Variants in GNG13 observed in about 807,000 individuals in gnomAD.
GNG13 encodes G protein subunit gamma 13, also known as guanine nucleotide-binding protein G(I)/G(S)/G(O) subunit gamma-13.
Under a neutral mutation model 8.2 loss-of-function variants are expected in GNG13, and 12 were observed. That is an observed-to-expected ratio of 1.47 (90% CI 0.94 to 2.38). The LOEUF (loss-of-function observed/expected upper bound fraction) is 2.38. Among genes scored for constraint, GNG13 ranks in the 30% most tolerant of loss-of-function variants. GNG13 has a pLI of 0.00. For missense variants in GNG13, 100 were observed against 85.2 expected, an observed-to-expected ratio of 1.17 and a Z score of -0.68; for synonymous variants, 45 against 33.0, an observed-to-expected ratio of 1.37 and a Z score of -1.25.
chr16:800,284 C>T (rs1030400080), intron 1 of GNG13, among the ~76,000 whole-genome samples: 2 of 152,192 alleles, frequency 1.3e-5, no homozygotes, highest in East Asian at 1.9e-4. Context: ...GCCCCGTGGG[C>T]GCAGGACTAG....
chr16:799,346 C>T (rs905982917), intron 1 of GNG13, among the ~76,000 whole-genome samples: 1 of 152,200 alleles, frequency 6.6e-6, no homozygotes, highest in Non-Finnish European at 1.5e-5. Context: ...ACTTTACATC[C>T]TCAGCTACTC....
intron 1 of GNG13, among the ~76,000 whole-genome samples, chr16:800,431 C>T (rs952287827): frequency 2.0e-5 from 3 of 152,320 alleles, no homozygotes; most frequent in South Asian, 2.1e-4. Context: ...CCCCCAGCCA[C>T]GGGACTCGGT....
intron 1 of GNG13, among the ~76,000 whole-genome samples, chr16:799,436 A>G (rs567748788): frequency 3.3e-5 from 5 of 152,238 alleles, no homozygotes; most frequent in Middle Eastern, 3.4e-3. Context: ...CCCAGCTCCT[A>G]CCCTCCCACT....
rs541877541 is a variant in GNG13, at chr16:798,142, T to G, written c.*577A>C. The G allele has an allele frequency of 1.2e-6, 1 of 867,402 alleles. No individual in the cohort carries two copies. Among genetic ancestry groups the G allele is most frequent in the Non-Finnish European group, 1.7e-6 (1 of 583,204 alleles). The allele number at this position is 867,402 out of a possible 1,614,324, so 53.7% of individuals were successfully genotyped here. ...GGCCGGGCGTGGGCTCATAGGATGG[T>G]GTGAGTGGGGCCAGGAGTGGGGCTC... On this transcript the variant is annotated 3_prime_UTR_variant, in exon 3 of 3. Transcript: ENST00000248150.
chr16:798,761 C>T lies in GNG13; in HGVS notation c.162G>A (p.Lys54=), dbSNP rs199907542. ...KDPFLNPDLM[K]NNPWVEKGKC... Reference sequence around the variant, plus strand: ...TGCCCTTTTCCACCCATGGGTTGTTCTTCATCAGGTCGGGGTTCAGGAAGG... The same window carrying T: ...TGCCCTTTTCCACCCATGGGTTGTTTTTCATCAGGTCGGGGTTCAGGAAGG... The change falls in exon 3 of 3, where the codon AAG becomes AAA. Residue 54 remains lysine (K), a synonymous_variant. Transcript: ENST00000248150. The T allele has an allele frequency of 2.5e-5, 40 of 1,613,240 alleles. No individual in the cohort carries two copies. Among genetic ancestry groups the T allele is most frequent in the Admixed American group, 1.2e-4 (7 of 60,008 alleles).
chr16:799,541 C>A (rs2042429539), intron 1 of GNG13, among the ~76,000 whole-genome samples: 1 of 152,180 alleles, frequency 6.6e-6, no homozygotes, highest in African/African-American at 2.4e-5. Context: ...TGCCCCTTTG[C>A]TTTGCATGGC....
rs748839632 is a variant in GNG13 at position 800,334 on chromosome 16, C to T, written c.-35+332G>A. Among the ~76,000 whole-genome samples the T allele has an allele frequency of 7.2e-5, 11 of 152,316 alleles. No homozygotes were observed. In the South Asian group the frequency reaches 1.2e-3, roughly 17 times the overall value. On this transcript the variant is annotated intron_variant, in intron 1 of 2. Coordinates refer to ENST00000248150, the MANE Select transcript of GNG13 (RefSeq NM_016541.3). ...TCCCAGGCCCGGGGTGTTGGCGCCC[C>T]GCCCACAGCCCAGTCCTTGCTGCCC...
At chr16:798,893 G>T (rs1471349924) in intron 2 of GNG13, 69 bp from the exon 3 acceptor site, 6 of 1,348,896 alleles carry the variant, frequency 4.4e-6, no homozygotes, top group East Asian at 2.3e-5. Flanking sequence ...GCACCTGCCT[G>T]TCGGCGGCGG....
intron 1 of GNG13, 51 bp from the exon 2 acceptor site, chr16:799,162 C>G (rs957701193): frequency 1.3e-6 from 1 of 774,930 alleles, no homozygotes; most frequent in African/African-American, 1.7e-5. Flanking sequence ...GCCTGTAGTC[C>G]CCACCCCCGC....
rs747193873 is a variant in GNG13 at position 798,732 on chromosome 16, C to T, written c.191G>A (p.Cys64Tyr). 11 of 1,605,244 alleles carry T rather than the reference C, an allele frequency of 6.9e-6. No homozygotes were observed. Among genetic ancestry groups the T allele is most frequent in the Admixed American group, 1.7e-5 (1 of 59,978 alleles). ...CGGGTGCGGGGCTCACAGGATGGTG[C>T]ATTTGCCCTTTTCCACCCATGGGTT... ...KNNPWVEKGK[C>Y]TIL The change falls in exon 3 of 3, where the codon TGC (cysteine) becomes TAC (tyrosine). Residue 64 changes from cysteine (C) to tyrosine (Y), a missense_variant. Coordinates refer to ENST00000248150, the MANE Select transcript of GNG13 (RefSeq NM_016541.3).
chr16:798,948 T>C, intron 2 of GNG13, 32 bp downstream of exon 2: 1 of 1,438,002 alleles, frequency 7.0e-7, no homozygotes, highest in Non-Finnish European at 9.8e-7. Context: ...GGCAGACAAA[T>C]GAGAGGCAAA....
At position 798,444 on chromosome 16, in the gene GNG13, C is replaced by T. The variant is rs1220750177; in HGVS notation, c.*275G>A. On this transcript the variant is annotated 3_prime_UTR_variant, in exon 3 of 3. Coordinates refer to ENST00000248150, the MANE Select transcript of GNG13 (RefSeq NM_016541.3). ...TGGGAGTGGGGCTGGAAGTGGGGCT[C>T]ACAGGATGGTGGGAGTGGGGCTGGG... is the stretch of plus-strand genomic sequence containing the variant. The T allele has an allele frequency of 5.7e-6, 3 of 528,116 alleles. No individual in the cohort carries two copies. Among genetic ancestry groups the T allele is most frequent in the East Asian group, 3.5e-5 (1 of 28,550 alleles). 32.7% of individuals were successfully genotyped at this position (528,116 alleles called of 1,614,324 possible). A position where few individuals can be genotyped will look rare whatever the true frequency, so the allele number is the denominator to read the frequency against.
In GNG13 at chr16:799,082, T is replaced by TCA. The variant is rs2042425061; in HGVS notation, c.-7_-6dup. ...TGGCACGTCCCACTCCTCCATGGGG[T>TCA]CAGGGGCTTCTGAAGCAGCCAGCCT... is the stretch of plus-strand genomic sequence containing the variant. On this transcript the variant is annotated 5_prime_UTR_variant, in exon 2 of 3. Transcript: ENST00000248150. The TCA allele has an allele frequency of 1.9e-6, 3 of 1,568,786 alleles. No homozygotes were observed. Among genetic ancestry groups the TCA allele is most frequent in the Non-Finnish European group, 2.6e-6 (3 of 1,139,680 alleles).
chr16:800,407 G>A (rs1007963478), intron 1 of GNG13, among the ~76,000 whole-genome samples: 5 of 152,144 alleles, frequency 3.3e-5, no homozygotes, highest in Admixed American at 6.5e-5. Flanking sequence ...CCCACCCCGT[G>A]CACCCCGTGG....
chr16:799,213 G>A (rs1167655147), intron 1 of GNG13, 102 bp from the exon 2 acceptor site: 14 of 654,714 alleles, frequency 2.1e-5, no homozygotes, highest in African/African-American at 1.1e-4. Flanking sequence ...AGGATGAAGC[G>A]GGGAGAGTCC....
In GNG13 at chr16:798,729, G is replaced by A; in HGVS notation, c.194C>T (p.Thr65Ile). 1.9e-6 allele frequency: 3 copies of A among 1,602,922 alleles called. No individual in the cohort carries two copies. Among genetic ancestry groups the A allele is most frequent in the South Asian group, 2.2e-5 (2 of 90,862 alleles). Residue 65 changes from threonine (T) to isoleucine (I), a missense_variant, in exon 3 of 3, where the codon ACC becomes ATC. By Grantham distance (89) the Thr-to-Ile change is moderately conservative. Coordinates refer to ENST00000248150, the MANE Select transcript of GNG13 (RefSeq NM_016541.3). ...NNPWVEKGKC[T>I]IL ...GGCCGGGTGCGGGGCTCACAGGATG[G>A]TGCATTTGCCCTTTTCCACCCATGG...
At position 798,583 on chromosome 16, in the gene GNG13, AC is replaced by A; in HGVS notation, c.*135del. On this transcript the variant is annotated 3_prime_UTR_variant, in exon 3 of 3. Transcript: ENST00000248150. ...TGTGAGTGGGGCCGGGCATGGGCTC[AC>A]AGGATGGTGGGAGTGGGGCTGGGAG... is the stretch of plus-strand genomic sequence containing the variant. The A allele has an allele frequency of 1.3e-6, 1 of 759,790 alleles. No individual in the cohort carries two copies. Among genetic ancestry groups the A allele is most frequent in the Non-Finnish European group, 2.4e-6 (1 of 418,766 alleles). The allele number at this position is 759,790 out of a possible 1,614,324, so 47.1% of individuals were successfully genotyped here.
chr16:798,250 A>C lies in GNG13; in HGVS notation c.*469T>G. ...GGCGTGGTCTCACAGGATGGAGTGA[A>C]TGGGGCCGGGCACAGTCTTACAAGA... On this transcript the variant is annotated 3_prime_UTR_variant, in exon 3 of 3. Transcript: ENST00000248150. 3.5e-5 allele frequency: 16 copies of C among 462,820 alleles called. No individual in the cohort carries two copies. Among genetic ancestry groups the C allele is most frequent in the East Asian group, 1.7e-4 (4 of 23,802 alleles). The allele number at this position is 462,820 out of a possible 1,614,324, so 28.7% of individuals were successfully genotyped here. A position where few individuals can be genotyped will look rare whatever the true frequency, so the allele number is the denominator to read the frequency against.
chr16:798,369 G>A lies in GNG13; in HGVS notation c.*350C>T, dbSNP rs551368428. The A allele has an allele frequency of 4.1e-5, 21 of 514,550 alleles. No individual in the cohort carries two copies. The South Asian group carries it at 4.1e-4, about 10-fold the overall frequency. 31.9% of individuals were successfully genotyped at this position (514,550 alleles called of 1,614,324 possible). ...GATGGAGTGAGTGGGGCCGGGAGTG[G>A]GGCTCACAGGATGGTGGGAGTGGGG... On this transcript the variant is annotated 3_prime_UTR_variant, in exon 3 of 3. Coordinates refer to ENST00000248150, the MANE Select transcript of GNG13 (RefSeq NM_016541.3).
Sources: gnomAD v4.1 joint callset for allele counts (sites outside exome capture counted in the v4.1 genomes callset) on GRCh38, gnomAD v4.1.1 for gene constraint, MANE v1.5 for transcripts, NCBI Gene and HGNC (gene_info 2026-07-23, HGNC 2026-07-21) for gene names.